Variants in GOSR2 observed in about 807,000 individuals in gnomAD.
GOSR2 encodes 27 kDa Golgi SNARE protein.
A neutral mutation model predicts 27.9 loss-of-function variants in GOSR2; 20 were observed. That is an observed-to-expected ratio of 0.72 (90% CI 0.50 to 1.04). GOSR2 has a LOEUF of 1.04. Among genes scored for constraint, GOSR2 ranks in the 50% least tolerant of loss-of-function variants. The probability of loss-of-function intolerance (pLI) is 0.00; values close to 1 mark genes in which losing one functional copy is unlikely to be tolerated. For synonymous variants in GOSR2, 91 were observed against 98.8 expected, an observed-to-expected ratio of 0.92 and a Z score of 0.47; for missense variants, 261 against 270.5, an observed-to-expected ratio of 0.97 and a Z score of 0.25.
chr17:46,923,199 C>T lies in GOSR2; in HGVS notation c.7C>T (p.Pro3Ser), dbSNP rs12944167. The T allele has an allele frequency of 2.4e-5, 37 of 1,547,222 alleles. No individual in the cohort carries two copies. Among genetic ancestry groups the T allele is most frequent in the Middle Eastern group, 1.7e-4 (1 of 5,978 alleles). Reference sequence around the variant, plus strand: ...GGCCTGCGGGGCCGGCGACATGGATCCCCTGTTCCAGCAAACGCACAAGTG... The same window carrying T: ...GGCCTGCGGGGCCGGCGACATGGATTCCCTGTTCCAGCAAACGCACAAGTG... MD[P>S]LFQQTHKQVH... The change falls in exon 1 of 6, where the codon CCC (proline) becomes TCC (serine). Residue 3 changes from proline to serine, a missense_variant. Transcript: ENST00000640051.
intron 6 of GOSR2, among the ~76,000 whole-genome samples, chr17:46,962,328 C>CAAAA (rs3048523): frequency 1.4e-5 from 2 of 139,388 alleles, no homozygotes; most frequent in South Asian, 2.3e-4. Context: ...GACTCCATCT[C>CAAAA]AAAAAAAAAA....
intron 6 of GOSR2, among the ~76,000 whole-genome samples, chr17:46,953,188 C>G (rs555347325): frequency 1.4e-3 from 206 of 151,774 alleles, no homozygotes; most frequent in African/African-American, 4.7e-3. Context: ...CTAATGCTAT[C>G]CCTCCCCACT....
rs1190069582 is a variant in GOSR2 at position 46,939,123 on chromosome 17, G to C, written c.*363G>C. The C allele has an allele frequency of 8.6e-7, 1 of 1,158,226 alleles. No individual in the cohort carries two copies. The highest frequency in any genetic ancestry group is 1.6e-5 in the African/African-American group (1 of 62,696). 71.7% of individuals were successfully genotyped at this position (1,158,226 alleles called of 1,614,324 possible). On this transcript the variant is annotated 3_prime_UTR_variant, in exon 6 of 6. Coordinates refer to ENST00000640051, the MANE Select transcript of GOSR2 (RefSeq NM_004287.5). ...CCCTGTGTGCAGGACTGTCCACACG[G>C]TTCACACCTTGTCACCATCAGGCCT...
At chr17:46,932,346 T>C (rs1211918747) in intron 4 of GOSR2, 147 bp downstream of exon 4, 2 of 872,450 alleles carry the variant, frequency 2.3e-6, no homozygotes, top group Non-Finnish European at 3.7e-6. Flanking sequence ...ACTTTGTGCA[T>C]TGCCACAGAG....
intron 1 of GOSR2, chr17:46,923,907 CG>C: frequency 2.5e-6 from 1 of 397,296 alleles, no homozygotes; most frequent in Non-Finnish European, 4.4e-6. Context: ...TTTTTGGGGG[CG>C]GGGGGCAGAA....
At position 46,935,142 on chromosome 17, in the gene GOSR2, A is replaced by G. The variant is rs1315830475; in HGVS notation, c.450A>G (p.Gly150=). ...LILDGHNILD[G]LRTQRLTLKG... is the part of the protein sequence containing the mutation. ...TAGATGGGCACAATATTTTAGATGG[A>G]CTGAGGACCCAGAGACTGACCTTGA... Residue 150 remains glycine (G), a synonymous_variant, in exon 5 of 6, where the codon GGA becomes GGG. Transcript: ENST00000640051. 1 of 1,614,008 alleles carries G rather than the reference A, an allele frequency of 6.2e-7. No homozygotes were observed. Among genetic ancestry groups the G allele is most frequent in the African/African-American group, 1.3e-5 (1 of 74,942 alleles).
chr17:46,929,901 A>T (rs1048468022), intron 2 of GOSR2: 1 of 272,200 alleles, frequency 3.7e-6, no homozygotes. Flanking sequence ...AAATTCAGAG[A>T]TGTTTAACTG....
chr17:46,967,505 G>A (rs1354569304), downstream of GOSR2, among the ~76,000 whole-genome samples: 1 of 152,220 alleles, frequency 6.6e-6, no homozygotes, highest in Non-Finnish European at 1.5e-5. Context: ...TGGAGGGTAA[G>A]TAGTTCTCAA....
chr17:46,939,741 C>G lies in GOSR2; in HGVS notation c.*981C>G. 2 of 987,334 alleles carry G rather than the reference C, an allele frequency of 2.0e-6. No individual in the cohort carries two copies. Among genetic ancestry groups the G allele is most frequent in the Non-Finnish European group, 2.4e-6 (2 of 831,238 alleles). The allele number at this position is 987,334 out of a possible 1,614,324, so 61.2% of individuals were successfully genotyped here. A position where few individuals can be genotyped will look rare whatever the true frequency, so the allele number is the denominator to read the frequency against. On this transcript the variant is annotated 3_prime_UTR_variant, in exon 6 of 6. Transcript: ENST00000640051. ...TGGAGACATCTGTAGTGTGTATGTC[C>G]TTGTAACACTCTGTTTTCAGGGACT...
At chr17:46,952,035 GGA>G (rs530930192) in intron 6 of GOSR2, among the ~76,000 whole-genome samples, 10 of 152,270 alleles carry the variant, frequency 6.6e-5, no homozygotes, top group African/African-American at 2.2e-4. Context: ...ATTGCATCAG[GGA>G]GAGGGGGAGA....
chr17:46,940,609 G>T lies in GOSR2; in HGVS notation c.*1849G>T, dbSNP rs753229227. On this transcript the variant is annotated 3_prime_UTR_variant, in exon 6 of 6. Coordinates refer to ENST00000640051, the MANE Select transcript of GOSR2 (RefSeq NM_004287.5). Reference sequence around the variant, plus strand: ...TTTGGAGGAAGGTCTGCAGGGAGCAGCTGAGCCATTTGTTCTTGAACTCTG... The same window carrying T: ...TTTGGAGGAAGGTCTGCAGGGAGCATCTGAGCCATTTGTTCTTGAACTCTG... 3.7e-6 allele frequency: 6 copies of T among 1,614,048 alleles called. No individual in the cohort carries two copies. The highest frequency in any genetic ancestry group is 5.1e-6 in the Non-Finnish European group (6 of 1,180,034).
chr17:46,945,263 G>A (rs1053246089), downstream of GOSR2, among the ~76,000 whole-genome samples: 3 of 152,280 alleles, frequency 2.0e-5, no homozygotes, highest in East Asian at 1.9e-4. Flanking sequence ...ACTGTCCTCC[G>A]TGTTCCAGCT....
exon 7 of GOSR2, chr17:46,966,911 C>A (rs1289051694): frequency 2.5e-6 from 1 of 394,186 alleles, no homozygotes; most frequent in Non-Finnish European, 4.5e-6. Context: ...AAATCATTTT[C>A]ATGAAATTTT....
downstream of GOSR2, among the ~76,000 whole-genome samples, chr17:46,943,474 A>G (rs114334309): frequency 1.3e-3 from 196 of 152,262 alleles, 1 homozygote; most frequent in Middle Eastern, 6.8e-3. Flanking sequence ...TTCCTCTCAG[A>G]TGTGCCACAA....
rs1357432933 is a variant in GOSR2 at position 46,939,721 on chromosome 17, A to T, written c.*961A>T. On this transcript the variant is annotated 3_prime_UTR_variant, in exon 6 of 6. Transcript: ENST00000640051. ...AGTGTGGGCAGATCCCACCGTGGAG[A>T]CATCTGTAGTGTGTATGTCCTTGTA... 3 of 985,584 alleles carry T rather than the reference A, an allele frequency of 3.0e-6. No homozygotes were observed. The highest frequency in any genetic ancestry group is 3.6e-6 in the Non-Finnish European group (3 of 830,212). The allele number at this position is 985,584 out of a possible 1,614,324, so 61.1% of individuals were successfully genotyped here.
downstream of GOSR2, among the ~76,000 whole-genome samples, chr17:46,967,552 C>T (rs547614727): frequency 2.6e-5 from 4 of 152,218 alleles, no homozygotes; most frequent in East Asian, 7.7e-4. Context: ...TTGGGGGAAG[C>T]AGAGCAGCAG....
downstream of GOSR2, among the ~76,000 whole-genome samples, chr17:46,971,018 T>G (rs1213256798): frequency 2.0e-5 from 3 of 151,412 alleles, no homozygotes; most frequent in Admixed American, 1.3e-4. Flanking sequence ...AACATTTTTC[T>G]TTTTTTTGTT....
At position 46,935,183 on chromosome 17, in the gene GOSR2, TG is replaced by T. The variant is rs755765859; in HGVS notation, c.477+19del. 12 of 1,613,686 alleles carry T rather than the reference TG, an allele frequency of 7.4e-6. No homozygotes were observed. In the African/African-American group the frequency reaches 1.6e-4, roughly 22 times the overall value. ...CTGACCTTGAAGGTGGGGTCCCTGCTGGGGGACAGAGAGAAGGCCTCTTGTT... is the reference window on the plus strand; with the variant it reads ...CTGACCTTGAAGGTGGGGTCCCTGCTGGGGACAGAGAGAAGGCCTCTTGTT... On this transcript the variant is annotated intron_variant, in intron 5 of 5. Coordinates refer to ENST00000640051, the MANE Select transcript of GOSR2 (RefSeq NM_004287.5).
chr17:46,969,054 C>A (rs543938858), downstream of GOSR2: 74 of 152,734 alleles, frequency 4.8e-4, no homozygotes, highest in African/African-American at 1.6e-3. Flanking sequence ...GCTTCTCATG[C>A]TGGATGCAGC....
Sources: allele counts gnomAD v4.1 joint callset (sites outside exome capture counted in the v4.1 genomes callset), GRCh38; gene constraint gnomAD v4.1.1; transcripts MANE v1.5; gene names NCBI Gene and HGNC (gene_info 2026-07-23, HGNC 2026-07-21).